Variants in KIR3DL3 observed in about 807,000 individuals in gnomAD.
The protein encoded by KIR3DL3 is killer cell immunoglobulin-like receptor 3DL3.
A neutral mutation model predicts 34.9 loss-of-function variants in KIR3DL3; 27 were observed. The ratio of observed to expected loss-of-function variants is 0.77; its 90% CI spans 0.57 to 1.07. KIR3DL3 has a LOEUF of 1.07. Ranked by LOEUF, KIR3DL3 falls within the 50% of genes least tolerant of loss-of-function variation. KIR3DL3 has a pLI of 0.00. For synonymous variants in KIR3DL3, 217 were observed against 200.2 expected (o/e 1.08, Z -0.71); for missense variants, 681 against 528.5 (o/e 1.29, Z -2.83).
rs1482140115 is a variant in KIR3DL3, at chr19:54,728,227, A to G, written c.655+317A>G. 2.7e-5 allele frequency among the ~76,000 whole-genome samples: 4 copies of G among 150,568 alleles called. No homozygotes were observed. The South Asian group carries it at 8.6e-4, about 32-fold the overall frequency. On this transcript the variant is annotated intron_variant, in intron 4 of 7. Coordinates refer to ENST00000291860, the MANE Select transcript of KIR3DL3 (RefSeq NM_153443.5). ...CTGACTTTGTTCAGAGACCAGGCAC[A>G]GGTTAGAAGGTTCCATTCTGTTTTA...
intron 6 of KIR3DL3, 90 bp from the exon 7 acceptor site, chr19:54,735,730 A>G: frequency 2.0e-6 from 3 of 1,471,044 alleles, no homozygotes; most frequent in Non-Finnish European, 2.8e-6. Context: ...TCAGGCACCT[A>G]TGGCCTCCCC....
intron 6 of KIR3DL3, among the ~76,000 whole-genome samples, 158 bp downstream of exon 6, chr19:54,735,515 T>C (rs673552): frequency 0.19 from 19,411 of 100,828 alleles, 2,291 homozygotes; most frequent in Middle Eastern, 0.31. Flanking sequence ...ACTCCCTGCC[T>C]CTGCCTTCAG....
At chr19:54,731,426 C>A (rs1298669173) in intron 5 of KIR3DL3, among the ~76,000 whole-genome samples, 2 of 151,526 alleles carry the variant, frequency 1.3e-5, no homozygotes, top group African/African-American at 4.9e-5. Context: ...AAGAGACGTG[C>A]AGTAAGAGAG....
At chr19:54,724,619 G>T (rs988055995) in intron 1 of KIR3DL3, 89 bp downstream of exon 1, 1 of 1,586,128 alleles carries the variant, frequency 6.3e-7, no homozygotes, top group Non-Finnish European at 8.6e-7. Context: ...GGAGATATGG[G>T]CCTGGAGTGG....
At chr19:54,733,317 A>C (rs2069038601) in intron 5 of KIR3DL3, among the ~76,000 whole-genome samples, 1 of 152,112 alleles carries the variant, frequency 6.6e-6, no homozygotes, top group African/African-American at 2.4e-5. Context: ...AGATCACTTA[A>C]GGGTAGGAGT....
At chr19:54,725,908 T>G (rs2068103540) in intron 2 of KIR3DL3, 145 bp from the exon 3 acceptor site, 3 of 725,006 alleles carry the variant, frequency 4.1e-6, no homozygotes, top group Non-Finnish European at 7.1e-6. Context: ...GCCATGTCTA[T>G]GCGGGATGGG....
intron 5 of KIR3DL3, among the ~76,000 whole-genome samples, chr19:54,733,294 G>T (rs1339977569): frequency 1.3e-5 from 2 of 152,142 alleles, no homozygotes; most frequent in Non-Finnish European, 2.9e-5. Context: ...CACTTTGGGA[G>T]GCCAAGGCGG....
At position 54,726,135 on chromosome 19, in the gene KIR3DL3, T is replaced by C; in HGVS notation, c.153T>C (p.Ser51=). The change falls in exon 3 of 8, where the codon TCT becomes TCC. Residue 51 remains serine, a synonymous_variant. Transcript: ENST00000291860. Reference sequence around the variant, plus strand: ...AACATGTGACTCTTCAGTGTCGCTCTCGTCTTGGGTTTAATGAATTCAGTC... The same window carrying C: ...AACATGTGACTCTTCAGTGTCGCTCCCGTCTTGGGTTTAATGAATTCAGTC... ...EGQHVTLQCR[S]RLGFNEFSLS... 6.2e-7 allele frequency: 1 copy of C among 1,613,290 alleles called. No individual in the cohort carries two copies. The highest frequency in any genetic ancestry group is 8.5e-7 in the Non-Finnish European group (1 of 1,179,684).
chr19:54,735,230 A>G (rs2069354827), intron 5 of KIR3DL3, 23 bp from the exon 6 acceptor site: 2 of 1,448,448 alleles, frequency 1.4e-6, no homozygotes, highest in Middle Eastern at 1.8e-4. Context: ...TTAGCTTCTT[A>G]TTGGTGTCTT....
chr19:54,726,070 T>A lies in KIR3DL3; in HGVS notation c.88T>A (p.Phe30Ile). ...WPHVGGQDKP[F>I]LSAWPGTVVS... is the part of the protein sequence containing the mutation. Reference sequence around the variant, plus strand: ...TCCCCCAGGTGGTCAGGACAAGCCCTTCCTCTCTGCCTGGCCCGGCACTGT... The same window carrying A: ...TCCCCCAGGTGGTCAGGACAAGCCCATCCTCTCTGCCTGGCCCGGCACTGT... The change falls in exon 3 of 8, where the codon TTC becomes ATC. Residue 30 changes from phenylalanine to isoleucine, a missense_variant. Phe to Ile is a conservative substitution (Grantham distance 21, BLOSUM62 0). Transcript: ENST00000291860. 1 of 1,612,622 alleles carries A rather than the reference T, an allele frequency of 6.2e-7. No homozygotes were observed. Among genetic ancestry groups the A allele is most frequent in the Non-Finnish European group, 8.5e-7 (1 of 1,179,054 alleles).
At chr19:54,734,264 T>A (rs532470357) in intron 5 of KIR3DL3, among the ~76,000 whole-genome samples, 1 of 151,582 alleles carries the variant, frequency 6.6e-6, no homozygotes, top group Non-Finnish European at 1.5e-5. Context: ...AAACACCTCC[T>A]GGAATGCACC....
chr19:54,725,245 AG>A lies in KIR3DL3; in HGVS notation c.36del. 1 of 1,593,386 alleles carries A rather than the reference AG, an allele frequency of 6.3e-7. No homozygotes were observed. The highest frequency in any genetic ancestry group is 8.6e-7 in the Non-Finnish European group (1 of 1,169,058). On this transcript the variant is annotated splice_acceptor_variant, in intron 1 of 7. Transcript: ENST00000291860. LOFTEE classifies it high-confidence loss of function. ...ATCATCCATCATGATCTTTCTTTCCAGGGTTCTTCTTGCTGGAGGGGCCCTG... is the reference window on the plus strand; with the variant it reads ...ATCATCCATCATGATCTTTCTTTCCAGGTTCTTCTTGCTGGAGGGGCCCTG...
rs1180316831 is a variant in KIR3DL3, at chr19:54,727,691, T to C, written c.436T>C (p.Ser146Pro). Residue 146 changes from serine to proline, a missense_variant, in exon 4 of 8, where the codon TCA (serine) becomes CCA (proline). Coordinates refer to ENST00000291860, the MANE Select transcript of KIR3DL3 (RefSeq NM_153443.5). ...SGETVILQCW[S>P]DVRFERFLLH... Reference sequence around the variant, plus strand: ...AGAGACGGTCATCCTGCAATGTTGGTCAGATGTCAGGTTTGAGCGCTTCCT... The same window carrying C: ...AGAGACGGTCATCCTGCAATGTTGGCCAGATGTCAGGTTTGAGCGCTTCCT... 6.2e-7 allele frequency: 1 copy of C among 1,612,630 alleles called. No homozygotes were observed. The highest frequency in any genetic ancestry group is 8.5e-7 in the Non-Finnish European group (1 of 1,179,604).
At chr19:54,735,086 A>G (rs987749513) in intron 5 of KIR3DL3, among the ~76,000 whole-genome samples, 167 bp from the exon 6 acceptor site, 2 of 151,148 alleles carry the variant, frequency 1.3e-5, no homozygotes, top group Admixed American at 6.6e-5. Context: ...AGCACGTTCT[A>G]TGGTTACTAC....
chr19:54,734,911 G>T (rs2069291715), intron 5 of KIR3DL3, among the ~76,000 whole-genome samples: 1 of 141,054 alleles, frequency 7.1e-6, no homozygotes, highest in Non-Finnish European at 1.5e-5. Flanking sequence ...AATAGAGGGG[G>T]AACTTGCTAA....
At chr19:54,732,806 A>T (rs1279051206) in intron 5 of KIR3DL3, among the ~76,000 whole-genome samples, 2 of 152,212 alleles carry the variant, frequency 1.3e-5, no homozygotes, top group African/African-American at 4.8e-5. Flanking sequence ...ACAACTGTAG[A>T]GAGATGGAGA....
intron 5 of KIR3DL3, among the ~76,000 whole-genome samples, chr19:54,732,110 C>A (rs770440543): frequency 6.6e-6 from 1 of 152,254 alleles, no homozygotes; most frequent in East Asian, 1.9e-4. Flanking sequence ...ATGCATTTGG[C>A]CTCTGCTCTT....
chr19:54,728,379 G>C (rs1446198890), intron 4 of KIR3DL3, among the ~76,000 whole-genome samples: 11 of 147,946 alleles, frequency 7.4e-5, no homozygotes, highest in African/African-American at 2.7e-4. Context: ...TCTGCCTTCC[G>C]TGCAGTGGAG....
At chr19:54,728,001 A>C (rs2068392701) in intron 4 of KIR3DL3, 91 bp downstream of exon 4, 1 of 1,294,798 alleles carries the variant, frequency 7.7e-7, no homozygotes, top group Non-Finnish European at 1.1e-6. Flanking sequence ...GAGGAAGATG[A>C]GTGTGGGGTT....
Sources: gnomAD v4.1 joint callset for allele counts (sites outside exome capture counted in the v4.1 genomes callset) on GRCh38, gnomAD v4.1.1 for gene constraint, MANE v1.5 for transcripts, NCBI Gene and HGNC (gene_info 2026-07-23, HGNC 2026-07-21) for gene names.